The following NOL10 variants were observed in gnomAD, a reference collection of about 807,000 sequenced individuals.
NOL10 encodes nucleolar protein 10, also known as H_NH0074G24.1.
Under a neutral mutation model 103.5 loss-of-function variants are expected in NOL10, and 58 were observed. The observed-to-expected ratio is 0.56, with a 90% CI of 0.45 to 0.70. The LOEUF (loss-of-function observed/expected upper bound fraction) is 0.70, where lower values mean the gene tolerates loss of function less well. Among genes scored for constraint, NOL10 ranks in the 30% least tolerant of loss-of-function variants. The pLI is 0.00. For synonymous variants in NOL10, 287 were observed against 282.5 expected, an observed-to-expected ratio of 1.02 and a Z score of -0.16; for missense variants, 763 against 807.3, an observed-to-expected ratio of 0.95 and a Z score of 0.67.
At chr2:10,632,673 C>G (rs959112510) in intron 13 of NOL10, among the ~76,000 whole-genome samples, 1 of 152,194 alleles carries the variant, frequency 6.6e-6, no homozygotes, top group East Asian at 1.9e-4. Flanking sequence ...CTTGCACATT[C>G]CCAATTCAAT....
chr2:10,679,626 C>G (rs1023242188), intron 3 of NOL10, among the ~76,000 whole-genome samples: 1 of 97,278 alleles, frequency 1.0e-5, no homozygotes, highest in African/African-American at 2.7e-5. Context: ...CTCTTTCTCT[C>G]TCTTTCTTTC....
chr2:10,615,766 G>A (rs1034618525), intron 13 of NOL10, among the ~76,000 whole-genome samples: 2 of 152,170 alleles, frequency 1.3e-5, no homozygotes, highest in Non-Finnish European at 2.9e-5. Flanking sequence ...AAGCATGGGG[G>A]ACGACAGGAT....
At chr2:10,607,558 T>C (rs1676323608) in intron 13 of NOL10, among the ~76,000 whole-genome samples, 1 of 152,158 alleles carries the variant, frequency 6.6e-6, no homozygotes, top group South Asian at 2.1e-4. Flanking sequence ...TATGAATGAA[T>C]GTTCTTATAT....
At position 10,689,940 on chromosome 2, in the gene NOL10, C is replaced by G. The variant is rs543032201; in HGVS notation, c.-79G>C. ...GCACCGTAATCCCGGGACCTCCGAG[C>G]CCCTGCTCCGCGGCGTGCGGCCGCT... On this transcript the variant is annotated 5_prime_UTR_variant, in exon 1 of 21. Transcript: ENST00000381685. The G allele has an allele frequency of 2.4e-4, 330 of 1,380,810 alleles. 1 individual carries two copies. The African/African-American group carries it at 3.5e-3, about 14-fold the overall frequency. The allele number at this position is 1,380,810 out of a possible 1,614,324, so 85.5% of individuals were successfully genotyped here.
At chr2:10,600,420 A>G (rs1260245334) in intron 17 of NOL10, among the ~76,000 whole-genome samples, 6 of 152,254 alleles carry the variant, frequency 3.9e-5, no homozygotes, top group Admixed American at 3.9e-4. Context: ...ACAATAATCT[A>G]AACGTTTAAC....
chr2:10,663,059 A>C lies in NOL10; in HGVS notation c.592-15T>G, dbSNP rs201206923. The stretch of plus-strand genomic sequence containing the variant: ...TCCACTCTACCCTATGCAAATGAAA[A>C]ACAATTTTAAATAAAAGCTGTAGAA... On this transcript the variant is annotated splice_polypyrimidine_tract_variant and intron_variant, in intron 8 of 20. Coordinates refer to ENST00000381685, the MANE Select transcript of NOL10 (RefSeq NM_024894.4). The C allele has an allele frequency of 6.2e-7, 1 of 1,608,108 alleles. No individual in the cohort carries two copies. Among genetic ancestry groups the C allele is most frequent in the Non-Finnish European group, 8.5e-7 (1 of 1,175,004 alleles).
chr2:10,646,427 A>G (rs1346254664), intron 12 of NOL10, among the ~76,000 whole-genome samples: 1 of 152,220 alleles, frequency 6.6e-6, no homozygotes, highest in Non-Finnish European at 1.5e-5. Context: ...GGACACAGCT[A>G]GACTGTTTTC....
chr2:10,683,087 CTCT>C (rs1223668195), intron 2 of NOL10, among the ~76,000 whole-genome samples: 1 of 152,108 alleles, frequency 6.6e-6, no homozygotes, highest in African/African-American at 2.4e-5. Flanking sequence ...CTGACCCAAC[CTCT>C]TAAGTTTATA....
intron 13 of NOL10, among the ~76,000 whole-genome samples, chr2:10,636,039 A>C (rs1678185308): frequency 6.6e-6 from 1 of 151,892 alleles, no homozygotes; most frequent in Non-Finnish European, 1.5e-5. Context: ...GCACGTGCCA[A>C]AGCATGCTCA....
intron 7 of NOL10, among the ~76,000 whole-genome samples, chr2:10,668,417 C>T (rs114026151): frequency 0.033 from 4,987 of 152,060 alleles, 283 homozygotes; most frequent in African/African-American, 0.11. Context: ...TAATAATAAA[C>T]TGAGTATTTT....
chr2:10,681,801 C>T (rs970307272), intron 3 of NOL10, among the ~76,000 whole-genome samples, 170 bp downstream of exon 3: 7 of 151,726 alleles, frequency 4.6e-5, no homozygotes, highest in Non-Finnish European at 8.8e-5. Flanking sequence ...CTATTTATTG[C>T]AGAATTTAGG....
At chr2:10,642,234 C>G (rs1053211870) in intron 13 of NOL10, among the ~76,000 whole-genome samples, 1 of 152,182 alleles carries the variant, frequency 6.6e-6, no homozygotes, top group Non-Finnish European at 1.5e-5. Context: ...AGACATGCCA[C>G]CAGGCAATTC....
At chr2:10,606,257 C>G (rs1274374495) in intron 14 of NOL10, among the ~76,000 whole-genome samples, 1 of 149,790 alleles carries the variant, frequency 6.7e-6, no homozygotes. Context: ...GTTTCCTTAT[C>G]TAATGGAATC....
chr2:10,589,112 A>C lies in NOL10; in HGVS notation c.1775T>G (p.Phe592Cys). 1 of 1,613,906 alleles carries C rather than the reference A, an allele frequency of 6.2e-7. No homozygotes were observed. The highest frequency in any genetic ancestry group is 8.5e-7 in the Non-Finnish European group (1 of 1,179,876). The change falls in exon 19 of 21, where the codon TTT becomes TGT. Residue 592 changes from phenylalanine to cysteine, a missense_variant. Phe to Cys is a radical substitution (Grantham distance 205). Coordinates refer to ENST00000381685, the MANE Select transcript of NOL10 (RefSeq NM_024894.4). Reference protein sequence around the residue: ...EDQQTVLKPQFYEIKAGEEFR... With the variant: ...EDQQTVLKPQCYEIKAGEEFR... ...TTCTTCTCCTGCTTTGATCTCATAAAACTGGGGCTTTAGGACTGTCTGCTG... is the reference window on the plus strand; with the variant it reads ...TTCTTCTCCTGCTTTGATCTCATAACACTGGGGCTTTAGGACTGTCTGCTG...
chr2:10,609,257 A>AG (rs397813901), intron 13 of NOL10, among the ~76,000 whole-genome samples: 6 of 150,270 alleles, frequency 4.0e-5, no homozygotes, highest in Admixed American at 4.0e-4. Context: ...CTTAAAAAAA[A>AG]CTAGGGAAGG....
At chr2:10,596,990 G>C (rs1184695987) in intron 17 of NOL10, among the ~76,000 whole-genome samples, 4 of 151,474 alleles carry the variant, frequency 2.6e-5, no homozygotes, top group Admixed American at 2.6e-4. Flanking sequence ...TTTTTAAAGA[G>C]ATGCTGTCTT....
chr2:10,602,746 G>T, intron 16 of NOL10, 30 bp downstream of exon 16: 1 of 1,333,084 alleles, frequency 7.5e-7, no homozygotes, highest in Non-Finnish European at 1.1e-6. Flanking sequence ...ACTCTTCTCT[G>T]ATAAATTCAA....
At chr2:10,681,389 T>C (rs1225354910) in intron 3 of NOL10, among the ~76,000 whole-genome samples, 6 of 152,146 alleles carry the variant, frequency 3.9e-5, no homozygotes, top group Admixed American at 2.6e-4. Context: ...AGTGTATGAC[T>C]ACATTTATAT....
intron 12 of NOL10, among the ~76,000 whole-genome samples, chr2:10,649,226 A>G (rs1287988331): frequency 6.6e-6 from 1 of 151,832 alleles, no homozygotes; most frequent in Non-Finnish European, 1.5e-5. Flanking sequence ...TAAATCAATT[A>G]TGGTGAAGAC....
Sources: allele counts gnomAD v4.1 joint callset (sites outside exome capture counted in the v4.1 genomes callset), GRCh38; gene constraint gnomAD v4.1.1; transcripts MANE v1.5; gene names NCBI Gene and HGNC (gene_info 2026-07-23, HGNC 2026-07-21).